The following PECR variants were observed in gnomAD, a reference collection of about 807,000 sequenced individuals.
PECR encodes peroxisomal trans-2-enoyl-CoA reductase, also known as 2,4-dienoyl-CoA reductase-related protein.
In PECR, 30 loss-of-function variants were observed where a neutral mutation model predicts 35.3. The observed-to-expected ratio is 0.85, with a 90% CI of 0.64 to 1.15. PECR has a LOEUF of 1.15. Ranked by LOEUF, PECR falls within the 50% of genes most tolerant of loss-of-function variation. The pLI is 0.00. For synonymous variants in PECR, 148 were observed against 138.9 expected, an observed-to-expected ratio of 1.07 and a Z score of -0.46; for missense variants, 392 against 370.8, an observed-to-expected ratio of 1.06 and a Z score of -0.47.
At chr2:216,079,877 A>G (rs1695794688) in intron 1 of PECR, among the ~76,000 whole-genome samples, 1 of 146,430 alleles carries the variant, frequency 6.8e-6, no homozygotes, top group African/African-American at 2.5e-5. Context: ...ACTACTCGGG[A>G]GGCTGAGGCA....
intron 5 of PECR, among the ~76,000 whole-genome samples, chr2:216,050,004 G>C (rs1254745277): frequency 2.0e-5 from 3 of 152,096 alleles, no homozygotes; most frequent in African/African-American, 4.8e-5. Context: ...GATTGTGTGA[G>C]CCTAGGAGTT....
At chr2:216,038,195 C>T (rs1015224432), downstream of PECR, among the ~76,000 whole-genome samples, 3 of 152,168 alleles carry the variant, frequency 2.0e-5, no homozygotes, top group African/African-American at 7.2e-5. Context: ...AAAGAATGAA[C>T]ATATTCAATC....
intron 1 of PECR, among the ~76,000 whole-genome samples, chr2:216,081,103 T>G (rs952298975): frequency 2.0e-4 from 30 of 152,206 alleles, no homozygotes; most frequent in Non-Finnish European, 5.9e-5. Flanking sequence ...GTAGATTGAT[T>G]TATGTTCTCC....
chr2:216,079,076 G>C (rs1356789337), intron 1 of PECR, among the ~76,000 whole-genome samples: 1 of 151,786 alleles, frequency 6.6e-6, no homozygotes, highest in Non-Finnish European at 1.5e-5. Flanking sequence ...AAAGAGGATA[G>C]AGCTTGGTGT....
Position 216,065,292 on chromosome 2 carries a change from T to C in PECR, c.424+20A>G. 4.5e-6 allele frequency: 7 copies of C among 1,566,536 alleles called. No individual in the cohort carries two copies. Among genetic ancestry groups the C allele is most frequent in the Non-Finnish European group, 6.2e-6 (7 of 1,136,510 alleles). On this transcript the variant is annotated intron_variant, in intron 3 of 7. Transcript: ENST00000265322. ...CTCTAAATAAAGACATGTTGACTTG[T>C]GGATACTGATGGTACTTGCCTGCTT...
At chr2:216,076,473 A>G (rs1019417853) in intron 1 of PECR, among the ~76,000 whole-genome samples, 1 of 152,256 alleles carries the variant, frequency 6.6e-6, no homozygotes, top group Non-Finnish European at 1.5e-5. Context: ...AGTTAAATCA[A>G]TAACAATGAA....
At chr2:216,067,330 A>C (rs915057608) in intron 1 of PECR, among the ~76,000 whole-genome samples, 2 of 152,180 alleles carry the variant, frequency 1.3e-5, no homozygotes, top group African/African-American at 4.8e-5. Context: ...CAGGGAGATC[A>C]AACCCTGGCA....
rs780217949 is a variant in PECR at position 216,051,479 on chromosome 2, G to A, written c.573C>T (p.Cys191=). The A allele has an allele frequency of 2.5e-6, 4 of 1,610,956 alleles. No homozygotes were observed. The South Asian group carries it at 3.3e-5, about 13-fold the overall frequency. Residue 191 remains cysteine, a synonymous_variant, in exon 5 of 8, where the codon TGC becomes TGT. Transcript: ENST00000265322. ...CAACACAATTGATCCGTATTCCACT[G>A]CAGGCCCATTCCAAAGCTAAAGATT... The part of the protein sequence containing the change: ...LTKSLALEWA[C]SGIRINCVAP...
At chr2:216,031,362 G>A (rs1223609006) in intron 7 of PECR, among the ~76,000 whole-genome samples, 1 of 151,454 alleles carries the variant, frequency 6.6e-6, no homozygotes, top group African/African-American at 2.4e-5. Context: ...AGCTGAGATT[G>A]TACCACTGCA....
Position 216,058,987 on chromosome 2 carries a change from G to T in PECR, c.425-11C>A. 6.4e-7 allele frequency: 1 copy of T among 1,550,918 alleles called. No homozygotes were observed. Among genetic ancestry groups the T allele is most frequent in the Non-Finnish European group, 8.9e-7 (1 of 1,123,340 alleles). ...TCCAGGAGCTGTAAACTGCAGGATA[G>T]AGGCAAACTCAATCATTAAATTTTT... On this transcript the variant is annotated splice_polypyrimidine_tract_variant and intron_variant, in intron 3 of 7. Transcript: ENST00000265322.
intron 6 of PECR, among the ~76,000 whole-genome samples, chr2:216,046,183 C>A (rs945974939): frequency 6.7e-6 from 1 of 148,896 alleles, no homozygotes; most frequent in Admixed American, 6.7e-5. Flanking sequence ...ACATGTACTC[C>A]TTTATTACTA....
chr2:216,035,054 C>A (rs952548221), downstream of PECR, among the ~76,000 whole-genome samples: 1 of 152,208 alleles, frequency 6.6e-6, no homozygotes, highest in African/African-American at 2.4e-5. Flanking sequence ...TTTAAGGAGA[C>A]CAATGGGCCA....
chr2:216,043,037 G>A (rs764274622), intron 7 of PECR, among the ~76,000 whole-genome samples: 15 of 32,156 alleles, frequency 4.7e-4, no homozygotes, highest in Middle Eastern at 0.012. Context: ...ATATATGTAT[G>A]TGTATATATA....
At position 216,039,038 on chromosome 2, in the gene PECR, G is replaced by T; in HGVS notation, c.*237C>A. The T allele has an allele frequency of 5.5e-6, 2 of 362,218 alleles. No homozygotes were observed. The highest frequency in any genetic ancestry group is 1.0e-5 in the Non-Finnish European group (2 of 195,532). 22.4% of individuals were successfully genotyped at this position (362,218 alleles called of 1,614,324 possible). ...ACTTTTCTTAGAAATAAAAAGTAAA[G>T]TCATTAAAATATGTTAATTTCTGTT... On this transcript the variant is annotated 3_prime_UTR_variant, in exon 8 of 8. Transcript: ENST00000265322.
At chr2:216,071,708 G>A (rs1334096551) in intron 1 of PECR, among the ~76,000 whole-genome samples, 1 of 152,032 alleles carries the variant, frequency 6.6e-6, no homozygotes, top group Admixed American at 6.6e-5. Flanking sequence ...CAACTCCTGG[G>A]GCTACAGTAA....
chr2:216,057,917 C>G (rs1695260050), intron 4 of PECR: 1 of 152,194 alleles, frequency 6.6e-6, no homozygotes, highest in South Asian at 2.1e-4. Context: ...GAGAGGCACT[C>G]TCTCACTGGA....
chr2:216,042,542 C>T (rs184189332), intron 7 of PECR, among the ~76,000 whole-genome samples: 1 of 152,046 alleles, frequency 6.6e-6, no homozygotes, highest in Non-Finnish European at 1.5e-5. Flanking sequence ...GCATTTTATA[C>T]CCTTTACTAC....
At position 216,051,431 on chromosome 2, in the gene PECR, T is replaced by C; in HGVS notation, c.603+18A>G. ...AGCATAATTTGTCAATAAATTTCAA[T>C]ATAGATCGTTTACCTACAGGGGCAA... On this transcript the variant is annotated intron_variant, in intron 5 of 7. Coordinates refer to ENST00000265322, the MANE Select transcript of PECR (RefSeq NM_018441.6). 4 of 1,424,506 alleles carry C rather than the reference T, an allele frequency of 2.8e-6. No homozygotes were observed. The highest frequency in any genetic ancestry group is 4.0e-6 in the Non-Finnish European group (4 of 1,006,716). The allele number at this position is 1,424,506 out of a possible 1,614,324, so 88.2% of individuals were successfully genotyped here.
rs567054898 is a variant in PECR, at chr2:216,049,257, C to T, written c.714+6G>A. 5.9e-6 allele frequency: 8 copies of T among 1,352,786 alleles called. 1 individual carries two copies. The African/African-American group carries it at 8.6e-5, about 15-fold the overall frequency. The allele number at this position is 1,352,786 out of a possible 1,614,324, so 83.8% of individuals were successfully genotyped here. A position where few individuals can be genotyped will look rare whatever the true frequency, so the allele number is the denominator to read the frequency against. On this transcript the variant is annotated splice_donor_region_variant and intron_variant, in intron 6 of 7. Transcript: ENST00000265322. ...AATTCTAATCAATGCTGGAAATATA[C>T]CTTACCTCCTCAGGAACACCAATTC...
Sources: gnomAD v4.1 joint callset for allele counts (sites outside exome capture counted in the v4.1 genomes callset) on GRCh38, gnomAD v4.1.1 for gene constraint, MANE v1.5 for transcripts, NCBI Gene and HGNC (gene_info 2026-07-23, HGNC 2026-07-21) for gene names.